Variants in OCA2 observed in about 807,000 individuals in gnomAD.
The protein encoded by OCA2 is P protein.
OCA2 carries 77 observed loss-of-function variants against 100.2 expected under a neutral mutation model. The ratio of observed to expected loss-of-function variants is 0.77; its 90% CI spans 0.64 to 0.93. The LOEUF (loss-of-function observed/expected upper bound fraction) is 0.93, where lower values mean the gene tolerates loss of function less well. Among genes scored for constraint, OCA2 ranks in the 40% least tolerant of loss-of-function variants. The pLI, the probability that OCA2 is intolerant of heterozygous loss-of-function variation, is 0.00. For missense variants in OCA2, 1,062 were observed against 1,089.1 expected (o/e 0.98, Z 0.35); for synonymous variants, 432 against 439.2 (o/e 0.98, Z 0.21).
intron 22 of OCA2, among the ~76,000 whole-genome samples, chr15:27,846,372 A>G (rs2035537592): frequency 1.3e-5 from 2 of 152,128 alleles, no homozygotes; most frequent in Admixed American, 1.3e-4. Flanking sequence ...TGCCCTGCTC[A>G]GCCCCAAGAA....
intron 23 of OCA2, among the ~76,000 whole-genome samples, chr15:27,818,304 G>A (rs1015429762): frequency 3.3e-5 from 5 of 152,094 alleles, no homozygotes; most frequent in African/African-American, 4.8e-5. Flanking sequence ...CAGGAGAATC[G>A]CTTGAACCCG....
intron 9 of OCA2, among the ~76,000 whole-genome samples, chr15:27,994,989 G>GT (rs1231903487): frequency 1.3e-5 from 2 of 152,088 alleles, no homozygotes; most frequent in African/African-American, 4.8e-5. Flanking sequence ...AAAATAGACT[G>GT]TAAGTCAAAA....
At chr15:27,907,500 T>A (rs2038222579) in intron 19 of OCA2, among the ~76,000 whole-genome samples, 1 of 151,684 alleles carries the variant, frequency 6.6e-6, no homozygotes, top group Non-Finnish European at 1.5e-5. Flanking sequence ...AGGGAGATAA[T>A]GAAGTTAAAG....
chr15:28,089,199 T>A (rs2044830687), intron 1 of OCA2, among the ~76,000 whole-genome samples: 3 of 152,234 alleles, frequency 2.0e-5, no homozygotes, highest in Admixed American at 2.0e-4. Flanking sequence ...TGAACATTGC[T>A]GTTATCCTGT....
At chr15:27,795,654 T>A (rs1390854190) in intron 23 of OCA2, among the ~76,000 whole-genome samples, 1 of 152,184 alleles carries the variant, frequency 6.6e-6, no homozygotes, top group Non-Finnish European at 1.5e-5. Context: ...AATTATCAGT[T>A]CAAGTTTCCA....
At chr15:27,915,276 G>A (rs940795388) in intron 19 of OCA2, among the ~76,000 whole-genome samples, 13 of 152,004 alleles carry the variant, frequency 8.6e-5, no homozygotes, top group African/African-American at 1.2e-4. Context: ...AACCTAGGAC[G>A]TACCATTTTG....
chr15:27,807,982 G>A (rs577684617), intron 23 of OCA2, among the ~76,000 whole-genome samples: 1 of 152,306 alleles, frequency 6.6e-6, no homozygotes, highest in African/African-American at 2.4e-5. Flanking sequence ...GACTTCACAC[G>A]TGCCTGTGTG....
In OCA2 at chr15:27,926,144, G is replaced by GCGCT; in HGVS notation, c.2058_2061dup (p.Leu688SerfsTer54). On this transcript the variant is annotated frameshift_variant, in exon 19 of 24. Coordinates refer to ENST00000354638, the MANE Select transcript of OCA2 (RefSeq NM_000275.3). LOFTEE classifies it high-confidence loss of function. Reference sequence around the variant, plus strand: ...AATCTTACCTCCATCAGAACAAAGAGCGCTGCAAAAAACAGAAGGGTTGCC... The same window carrying GCGCT: ...AATCTTACCTCCATCAGAACAAAGAGCGCTCGCTGCAAAAAACAGAAGGGTTGCC... 1 of 1,614,058 alleles carries GCGCT rather than the reference G, an allele frequency of 6.2e-7. No homozygotes were observed. Among genetic ancestry groups the GCGCT allele is most frequent in the Non-Finnish European group, 8.5e-7 (1 of 1,179,984 alleles).
intron 15 of OCA2, among the ~76,000 whole-genome samples, chr15:27,962,570 G>C (rs1431348884): frequency 6.6e-6 from 1 of 152,178 alleles, no homozygotes; most frequent in African/African-American, 2.4e-5. Flanking sequence ...AACTATACTA[G>C]TGTTAAGTTC....
At chr15:27,758,324 C>T (rs992089095) in intron 23 of OCA2, among the ~76,000 whole-genome samples, 3 of 152,134 alleles carry the variant, frequency 2.0e-5, no homozygotes, top group Admixed American at 6.5e-5. Context: ...AGATAATAAC[C>T]ACTCCTGCCA....
At chr15:28,085,776 G>A (rs2044766372) in intron 1 of OCA2, among the ~76,000 whole-genome samples, 1 of 151,878 alleles carries the variant, frequency 6.6e-6, no homozygotes, top group Non-Finnish European at 1.5e-5. Context: ...CCTTCAGGAA[G>A]ACAGAGAAGA....
At chr15:27,885,885 T>C (rs1361056771) in intron 19 of OCA2, among the ~76,000 whole-genome samples, 1 of 152,174 alleles carries the variant, frequency 6.6e-6, no homozygotes, top group Non-Finnish European at 1.5e-5. Context: ...AAAGTTTATA[T>C]ATTCATATAT....
At chr15:27,877,716 T>C (rs1373242588) in intron 19 of OCA2, among the ~76,000 whole-genome samples, 2 of 152,006 alleles carry the variant, frequency 1.3e-5, no homozygotes, top group Admixed American at 6.6e-5. Flanking sequence ...ATATCATTGC[T>C]CAGCCTTTCA....
At chr15:27,815,734 G>A (rs574971493) in intron 23 of OCA2, among the ~76,000 whole-genome samples, 15 of 152,186 alleles carry the variant, frequency 9.9e-5, no homozygotes, top group Non-Finnish European at 1.8e-4. Flanking sequence ...ATGCTGACAC[G>A]CACTGCCTTC....
intron 23 of OCA2, among the ~76,000 whole-genome samples, chr15:27,813,371 T>G (rs2034155766): frequency 6.6e-6 from 1 of 152,024 alleles, no homozygotes; most frequent in East Asian, 1.9e-4. Context: ...ACTTCTTCAC[T>G]GGCACCCCCC....
At chr15:27,966,874 G>A (rs772394567) in intron 14 of OCA2, 52 bp from the exon 15 acceptor site, 50 of 1,565,668 alleles carry the variant, frequency 3.2e-5, no homozygotes, top group African/African-American at 4.1e-5. Context: ...GGTGGCTCAC[G>A]CCTGTAATCC....
In OCA2 at chr15:27,850,430, T is replaced by C. The variant is rs75632205; in HGVS notation, c.2338+952A>G. 2.0e-3 allele frequency among the ~76,000 whole-genome samples: 312 copies of C among 152,324 alleles called. 1 individual carries two copies. The highest frequency in any genetic ancestry group is 3.8e-3 in the Non-Finnish European group (259 of 68,022). ...ATAGGGGATGCATTTCCAGGTGTCCTTGGATCCTGTTCCTTATTGTTGATG... is the reference window on the plus strand; with the variant it reads ...ATAGGGGATGCATTTCCAGGTGTCCCTGGATCCTGTTCCTTATTGTTGATG... On this transcript the variant is annotated intron_variant, in intron 22 of 23. Coordinates refer to ENST00000354638, the MANE Select transcript of OCA2 (RefSeq NM_000275.3).
In OCA2 at chr15:28,018,561, G is replaced by C. The variant is rs200183522; in HGVS notation, c.647-4C>G. 1 of 1,611,394 alleles carries C rather than the reference G, an allele frequency of 6.2e-7. No homozygotes were observed. The highest frequency in any genetic ancestry group is 8.5e-7 in the Non-Finnish European group (1 of 1,179,422). On this transcript the variant is annotated splice_polypyrimidine_tract_variant and splice_region_variant and intron_variant, in intron 6 of 23. Transcript: ENST00000354638. The stretch of plus-strand genomic sequence containing the variant: ...ACGTGGCTGCTAAGGTTCACGGCTC[G>C]GAGAGTGTCAAGGAGAACCACAAGG...
intron 23 of OCA2, among the ~76,000 whole-genome samples, chr15:27,844,110 T>C (rs1355658802): frequency 6.6e-6 from 1 of 152,200 alleles, no homozygotes; most frequent in Non-Finnish European, 1.5e-5. Context: ...TGCAGTGTGC[T>C]ACTCACACAC....
Sources: gnomAD v4.1 joint callset for allele counts (sites outside exome capture counted in the v4.1 genomes callset) on GRCh38, gnomAD v4.1.1 for gene constraint, MANE v1.5 for transcripts, NCBI Gene and HGNC (gene_info 2026-07-23, HGNC 2026-07-21) for gene names.